The following PPHLN1 variants were observed in gnomAD, a reference collection of about 807,000 sequenced individuals.
PPHLN1 encodes the protein periphilin-1.
Under a neutral mutation model 51.3 loss-of-function variants are expected in PPHLN1, and 29 were observed. The observed-to-expected ratio is 0.57, with a 90% CI of 0.42 to 0.77. The LOEUF (loss-of-function observed/expected upper bound fraction) is 0.77. PPHLN1 is among the 30% of genes least tolerant of loss of function. The pLI is 0.00. For missense variants in PPHLN1, 436 were observed against 438.4 expected (o/e 0.99, Z 0.05); for synonymous variants, 147 against 147.8 (o/e 0.99, Z 0.04).
intron 9 of PPHLN1, chr12:42,400,544 A>G (rs1357951953): frequency 4.0e-5 from 6 of 151,736 alleles, no homozygotes; most frequent in African/African-American, 1.5e-4. Flanking sequence ...ACCTTCGAGT[A>G]GTCCCTAACT....
chr12:42,410,506 C>T (rs1051796510), intron 9 of PPHLN1, among the ~76,000 whole-genome samples: 14 of 152,148 alleles, frequency 9.2e-5, no homozygotes, highest in Admixed American at 2.6e-4. Flanking sequence ...AGTTAATCAT[C>T]TTTGCATCAT....
intron 2 of PPHLN1, among the ~76,000 whole-genome samples, chr12:42,350,664 G>A (rs1313360364): frequency 6.6e-6 from 1 of 152,164 alleles, no homozygotes; most frequent in Admixed American, 6.5e-5. Flanking sequence ...CTGCACTCCA[G>A]CCTGGGCAAC....
downstream of PPHLN1, chr12:42,446,495 T>C (rs1007745959): frequency 2.7e-6 from 4 of 1,471,464 alleles, no homozygotes; most frequent in African/African-American, 4.3e-5. Flanking sequence ...AAAAAATCTC[T>C]CCTAGAAAGA....
At chr12:42,420,949 A>G (rs569729983) in intron 9 of PPHLN1, among the ~76,000 whole-genome samples, 57 of 152,042 alleles carry the variant, frequency 3.7e-4, no homozygotes, top group African/African-American at 1.3e-3. Context: ...TTCACCTTCC[A>G]TGTAATTCTA....
At chr12:42,349,410 A>T (rs12423048) in intron 2 of PPHLN1, among the ~76,000 whole-genome samples, 92,690 of 141,776 alleles carry the variant, frequency 0.65, 28,535 homozygotes, top group Admixed American at 0.71. Flanking sequence ...TTTGTTTTTT[A>T]AATTTTTTTA....
At chr12:42,423,753 C>T (rs1283952105) in intron 9 of PPHLN1, among the ~76,000 whole-genome samples, 1 of 151,930 alleles carries the variant, frequency 6.6e-6, no homozygotes, top group African/African-American at 2.4e-5. Context: ...TCTCAACTCA[C>T]TGCAACCTCT....
intron 9 of PPHLN1, among the ~76,000 whole-genome samples, chr12:42,419,944 TTGCTGCTTC>T (rs1171540579): frequency 1.3e-5 from 2 of 152,234 alleles, no homozygotes; most frequent in Non-Finnish European, 2.9e-5. Flanking sequence ...AGAATGATTG[TTGCTGCTTC>T]TGCTGCTTCT....
chr12:42,399,282 A>T (rs1481263592), intron 9 of PPHLN1: 1 of 917,872 alleles, frequency 1.1e-6, no homozygotes, highest in Non-Finnish European at 1.3e-6. Flanking sequence ...TAGGGATGGG[A>T]TGGAAGAAAT....
chr12:42,368,024 A>C (rs1321546721), intron 4 of PPHLN1, among the ~76,000 whole-genome samples: 1 of 152,226 alleles, frequency 6.6e-6, no homozygotes. Flanking sequence ...TGTGTGAGCT[A>C]CTGTGCCCAG....
intron 4 of PPHLN1, among the ~76,000 whole-genome samples, chr12:42,356,847 TAAAGCGAAA>T (rs2074095988): frequency 6.6e-6 from 1 of 152,056 alleles, no homozygotes; most frequent in Non-Finnish European, 1.5e-5. Context: ...ATGCCTACAG[TAAAGCGAAA>T]AATAAATAAG....
intron 9 of PPHLN1, among the ~76,000 whole-genome samples, chr12:42,412,477 G>GT (rs1168872298): frequency 5.3e-5 from 8 of 150,464 alleles, no homozygotes; most frequent in African/African-American, 2.0e-4. Context: ...ATACCATATT[G>GT]TTTCATTGGT....
intron 5 of PPHLN1, among the ~76,000 whole-genome samples, chr12:42,375,510 C>T (rs2076193119): frequency 6.6e-6 from 1 of 151,752 alleles, no homozygotes. Flanking sequence ...CGGGGTTTCA[C>T]CATGTTGGTC....
chr12:42,445,079 C>G, downstream of PPHLN1: 3 of 702,358 alleles, frequency 4.3e-6, no homozygotes, highest in Non-Finnish European at 7.8e-6. Flanking sequence ...AGTCTACTCT[C>G]GAGCCGGCCC....
chr12:42,327,467 C>G (rs910686026), intron 1 of PPHLN1, among the ~76,000 whole-genome samples: 1 of 152,212 alleles, frequency 6.6e-6, no homozygotes, highest in Non-Finnish European at 1.5e-5. Context: ...CCCTCAGTAT[C>G]TTCACAAAGG....
intron 8 of PPHLN1, among the ~76,000 whole-genome samples, chr12:42,393,960 A>G (rs1208000524): frequency 6.6e-6 from 1 of 152,066 alleles, no homozygotes; most frequent in Admixed American, 6.5e-5. Flanking sequence ...TACTTCTTTT[A>G]ATGGGCTTTG....
rs1331134210 is a variant in PPHLN1, at chr12:42,399,011, C to G, written c.909+17C>G. The G allele has an allele frequency of 6.2e-7, 1 of 1,606,778 alleles. No individual in the cohort carries two copies. The highest frequency in any genetic ancestry group is 1.3e-5 in the African/African-American group (1 of 74,896). On this transcript the variant is annotated intron_variant, in intron 9 of 9. Transcript: ENST00000358314. ...ATTGAACAGGTGAGAGTCTAGTTGT[C>G]TTCATGTACATAATTTTTGTTTGTG...
At chr12:42,362,294 A>C (rs1055288883) in intron 4 of PPHLN1, among the ~76,000 whole-genome samples, 4 of 151,948 alleles carry the variant, frequency 2.6e-5, no homozygotes, top group African/African-American at 9.7e-5. Flanking sequence ...GTGATACATG[A>C]TTTGCAATAT....
intron 9 of PPHLN1, chr12:42,432,048 G>C: frequency 6.4e-7 from 1 of 1,562,612 alleles, no homozygotes. Context: ...AGAACTGATG[G>C]AGGATTTGCC....
chr12:42,424,356 C>T (rs768196144), intron 9 of PPHLN1, among the ~76,000 whole-genome samples: 1 of 152,160 alleles, frequency 6.6e-6, no homozygotes, highest in Non-Finnish European at 1.5e-5. Context: ...TGGAAGACCA[C>T]GAGGCAACTT....
Sources: allele counts gnomAD v4.1 joint callset (sites outside exome capture counted in the v4.1 genomes callset), GRCh38; gene constraint gnomAD v4.1.1; transcripts MANE v1.5; gene names NCBI Gene and HGNC (gene_info 2026-07-23, HGNC 2026-07-21).